The following CRACDL variants were observed in gnomAD, a reference collection of about 807,000 sequenced individuals.
The protein encoded by CRACDL is CRACD-like protein.
In CRACDL, 26 loss-of-function variants were observed where a neutral mutation model predicts 70.6. That is an observed-to-expected ratio of 0.37 (90% CI 0.27 to 0.51). The LOEUF is 0.51. CRACDL is among the 20% of genes least tolerant of loss of function. The pLI is 0.94. For missense variants in CRACDL, 1,283 were observed against 1,376.9 expected (o/e 0.93, Z 1.08); for synonymous variants, 618 against 615.2 (o/e 1.00, Z -0.07).
chr2:98,906,262 T>C (rs1357207224), intron 1 of CRACDL, among the ~76,000 whole-genome samples: 55 of 107,830 alleles, frequency 5.1e-4, no homozygotes, highest in Middle Eastern at 5.7e-3. Context: ...TTCTTTTCCT[T>C]TTTTTTTTTT....
In CRACDL at chr2:98,823,661, G is replaced by A. The variant is rs1575351652; in HGVS notation, c.736-124C>T. ...GCAGCACTATAAAGCTGGCACTTAA[G>A]TAGGCATGTACCCACGGGTGTCTTT... On this transcript the variant is annotated intron_variant, in intron 6 of 9. Transcript: ENST00000397899. The surrounding 1 kb of genome is among the most constrained non-coding windows in gnomAD (Gnocchi z 4.0). 1 of 1,209,772 alleles carries A rather than the reference G, an allele frequency of 8.3e-7. No homozygotes were observed. The highest frequency in any genetic ancestry group is 1.2e-6 in the Non-Finnish European group (1 of 855,086). The allele number at this position is 1,209,772 out of a possible 1,614,324, so 74.9% of individuals were successfully genotyped here.
chr2:98,857,993 A>C (rs554694306), intron 1 of CRACDL, among the ~76,000 whole-genome samples: 3 of 152,356 alleles, frequency 2.0e-5, no homozygotes, highest in Admixed American at 6.5e-5. Context: ...ACAGAATCAA[A>C]TTAGAAATCA....
chr2:98,925,269 T>TG (rs1229886425), intron 1 of CRACDL, among the ~76,000 whole-genome samples: 2 of 152,098 alleles, frequency 1.3e-5, no homozygotes, highest in African/African-American at 4.8e-5. Flanking sequence ...TGTGCACACT[T>TG]GGGGGGAGGA....
intron 1 of CRACDL, among the ~76,000 whole-genome samples, chr2:98,851,799 A>G (rs748536316): frequency 1.3e-5 from 2 of 152,254 alleles, no homozygotes; most frequent in African/African-American, 2.4e-5. Context: ...CCTACACCAC[A>G]GTAAAACTTT....
intron 1 of CRACDL, among the ~76,000 whole-genome samples, chr2:98,909,912 G>A (rs1327164971): frequency 6.6e-6 from 1 of 152,162 alleles, no homozygotes; most frequent in African/African-American, 2.4e-5. Context: ...GCGGGGCTTG[G>A]GCCGCTTTCA....
chr2:98,825,616 C>T (rs1042120741), intron 6 of CRACDL, among the ~76,000 whole-genome samples: 1 of 152,222 alleles, frequency 6.6e-6, no homozygotes, highest in African/African-American at 2.4e-5. Context: ...GGAGCAGGCC[C>T]TGGCCCTGTA....
chr2:98,895,901 C>T (rs190791990), intron 1 of CRACDL, among the ~76,000 whole-genome samples: 2 of 152,172 alleles, frequency 1.3e-5, no homozygotes, highest in East Asian at 1.9e-4. Context: ...CCAGAGAGCT[C>T]GCTTGCCCCT....
intron 1 of CRACDL, among the ~76,000 whole-genome samples, chr2:98,877,047 C>T (rs1707504118): frequency 2.6e-5 from 4 of 152,268 alleles, no homozygotes; most frequent in African/African-American, 4.8e-5. Flanking sequence ...TGGCAGAAAT[C>T]AGTAATCAAT....
At chr2:98,882,750 C>T (rs1707688961) in intron 1 of CRACDL, among the ~76,000 whole-genome samples, 1 of 152,046 alleles carries the variant, frequency 6.6e-6, no homozygotes, top group African/African-American at 2.4e-5. Flanking sequence ...TTGAACCCCC[C>T]GATTCCACAC....
chr2:98,800,663 C>T (rs533034349), intron 7 of CRACDL, among the ~76,000 whole-genome samples: 2 of 152,264 alleles, frequency 1.3e-5, no homozygotes, highest in South Asian at 2.1e-4. Context: ...TGTAACCTCT[C>T]GAGACACTTG....
intron 1 of CRACDL, among the ~76,000 whole-genome samples, chr2:98,901,863 T>A (rs190639315): frequency 1.2e-4 from 19 of 152,138 alleles, no homozygotes; most frequent in African/African-American, 4.3e-4. Context: ...TGCGCCCAGC[T>A]GGCTGCACAT....
At chr2:98,930,135 C>T (rs933733129) in intron 1 of CRACDL, among the ~76,000 whole-genome samples, 5 of 152,232 alleles carry the variant, frequency 3.3e-5, no homozygotes, top group Middle Eastern at 3.4e-3. Context: ...CTCTCCAACA[C>T]GACGGGGCGT....
At chr2:98,808,165 G>A (rs1704398505) in intron 7 of CRACDL, among the ~76,000 whole-genome samples, 1 of 152,206 alleles carries the variant, frequency 6.6e-6, no homozygotes, top group African/African-American at 2.4e-5. Flanking sequence ...TGTCGTCCAC[G>A]GACCAGCACT....
At chr2:98,803,017 T>G (rs1013726813) in intron 7 of CRACDL, among the ~76,000 whole-genome samples, 1 of 147,660 alleles carries the variant, frequency 6.8e-6, no homozygotes, top group Non-Finnish European at 1.5e-5. Flanking sequence ...TTTTTTTTTT[T>G]GAGATGGAGT....
intron 1 of CRACDL, chr2:98,897,586 G>A (rs375054758): frequency 4.3e-4 from 114 of 265,698 alleles, no homozygotes; most frequent in African/African-American, 2.4e-3. Flanking sequence ...AATGAAAGGA[G>A]AAAAATTAAC....
intron 7 of CRACDL, among the ~76,000 whole-genome samples, chr2:98,818,260 C>T (rs1704872715): frequency 6.6e-6 from 1 of 152,220 alleles, no homozygotes; most frequent in South Asian, 2.1e-4. Context: ...TTGCAGTAAC[C>T]ACTCCAGCAC....
intron 6 of CRACDL, among the ~76,000 whole-genome samples, chr2:98,826,646 G>T (rs1242483963): frequency 6.6e-6 from 1 of 152,158 alleles, no homozygotes; most frequent in East Asian, 1.9e-4. Flanking sequence ...AAGCCTGGGG[G>T]GTAGGCAGGA....
chr2:98,816,509 A>T (rs1267732602), intron 7 of CRACDL, among the ~76,000 whole-genome samples: 3 of 152,228 alleles, frequency 2.0e-5, no homozygotes, highest in Non-Finnish European at 4.4e-5. Flanking sequence ...TGGCATTGAC[A>T]AATGGAATTA....
chr2:98,886,998 C>T (rs1707814730), intron 1 of CRACDL, among the ~76,000 whole-genome samples: 1 of 151,998 alleles, frequency 6.6e-6, no homozygotes, highest in Admixed American at 6.6e-5. Flanking sequence ...GATGCCTCAT[C>T]AAATAGACAA....
Sources: gnomAD v4.1 joint callset for allele counts (sites outside exome capture counted in the v4.1 genomes callset) on GRCh38, gnomAD v4.1.1 for gene constraint, Gnocchi (gnomAD v3.1) non-coding constraint, MANE v1.5 for transcripts, NCBI Gene and HGNC (gene_info 2026-07-23, HGNC 2026-07-21) for gene names.